Variants in DNAH14 observed in about 807,000 individuals in gnomAD.
DNAH14 encodes the protein axonemal beta dynein heavy chain 14.
In DNAH14, 478 loss-of-function variants were observed where a neutral mutation model predicts 520.9. The observed-to-expected ratio is 0.92, with a 90% CI of 0.85 to 0.99. The LOEUF (loss-of-function observed/expected upper bound fraction) is 0.99, where lower values mean the gene tolerates loss of function less well. Ranked by LOEUF, DNAH14 falls within the 50% of genes least tolerant of loss-of-function variation. The probability of loss-of-function intolerance (pLI) is 0.00; values close to 1 mark genes in which losing one functional copy is unlikely to be tolerated. For synonymous variants in DNAH14, 1,581 were observed against 1,757.2 expected, an observed-to-expected ratio of 0.90 and a Z score of 2.51; for missense variants, 4,831 against 5,234.5, an observed-to-expected ratio of 0.92 and a Z score of 2.38.
chr1:225,012,632 C>T (rs1281121041), intron 10 of DNAH14, among the ~76,000 whole-genome samples: 2 of 152,146 alleles, frequency 1.3e-5, no homozygotes, highest in Non-Finnish European at 2.9e-5. Flanking sequence ...CACATAGTCT[C>T]ATATTTCTTT....
intron 41 of DNAH14, among the ~76,000 whole-genome samples, chr1:225,218,988 G>A (rs2089748180): frequency 6.6e-6 from 1 of 152,116 alleles, no homozygotes; most frequent in Non-Finnish European, 1.5e-5. Context: ...TTAGAACTCA[G>A]GATTAACGAA....
At chr1:225,293,594 T>C (rs980486929) in intron 55 of DNAH14, among the ~76,000 whole-genome samples, 2 of 152,132 alleles carry the variant, frequency 1.3e-5, no homozygotes, top group Admixed American at 1.3e-4. Flanking sequence ...ATGTTTTCAC[T>C]TATAAGTGGG....
At chr1:225,118,511 A>G (rs2148865158) in intron 25 of DNAH14, among the ~76,000 whole-genome samples, 1 of 152,228 alleles carries the variant, frequency 6.6e-6, no homozygotes, top group Non-Finnish European at 1.5e-5. Context: ...TCCTGATGTA[A>G]GTTGATTTTT....
intron 53 of DNAH14, among the ~76,000 whole-genome samples, chr1:225,276,574 C>T (rs943039086): frequency 7.2e-5 from 11 of 152,108 alleles, no homozygotes; most frequent in Non-Finnish European, 1.5e-4. Context: ...TCTCCTACCA[C>T]TTATCCTACT....
rs370395368 is a variant in DNAH14, at chr1:225,273,918, CTT to C, written c.8010+796_8010+797del. On this transcript the variant is annotated intron_variant, in intron 52 of 85. Coordinates refer to ENST00000682510, the MANE Select transcript of DNAH14 (RefSeq NM_001367479.1). ...AACATTTCCTTCCCAAAGGTGGACT[CTT>C]TTCTTTTTCTGTCTTCTCTGGTGGT... Among the ~76,000 whole-genome samples the C allele has an allele frequency of 5.7e-3, 864 of 152,236 alleles. 10 individuals are homozygous for C. Among genetic ancestry groups the C allele is most frequent in the African/African-American group, 0.02 (831 of 41,546 alleles).
rs1237456981 is a variant in DNAH14 at position 224,955,086 on chromosome 1, G to T, written c.205G>T (p.Glu69Ter). ...AACATTCTCTGAATCTTTGAAGTCA[G>T]AGAAAACAGAAGGTATTTATCAAGA... ...VRTFSESLKS[E>*]KTEDYLRESI... Residue 69 changes from glutamate (E) to a stop codon, truncating the protein, a stop_gained, in exon 3 of 86, where the codon GAG becomes TAG. Transcript: ENST00000682510. LOFTEE classifies it high-confidence loss of function. The T allele has an allele frequency of 6.2e-7, 1 of 1,609,390 alleles. No homozygotes were observed. The highest frequency in any genetic ancestry group is 1.7e-5 in the Admixed American group (1 of 59,442).
chr1:225,347,780 A>G (rs2095308862), intron 71 of DNAH14, among the ~76,000 whole-genome samples: 1 of 152,164 alleles, frequency 6.6e-6, no homozygotes. Flanking sequence ...TCAAATGCCA[A>G]TCCTGGAAAA....
intron 58 of DNAH14, 132 bp from the exon 59 acceptor site, chr1:225,307,325 TAGTG>T (rs1352771475): frequency 4.8e-5 from 30 of 631,096 alleles, no homozygotes; most frequent in Non-Finnish European, 7.5e-5. Context: ...GACTTTCAAA[TAGTG>T]AGCCAGTCTT....
chr1:225,179,837 A>AGTT (rs1412543622), intron 36 of DNAH14, among the ~76,000 whole-genome samples: 1 of 151,918 alleles, frequency 6.6e-6, no homozygotes, highest in African/African-American at 2.4e-5. Context: ...TGTCTGAGAA[A>AGTT]GTTTTTAACT....
intron 84 of DNAH14, among the ~76,000 whole-genome samples, chr1:225,393,044 C>T (rs2095942064): frequency 6.6e-6 from 1 of 152,166 alleles, no homozygotes; most frequent in Non-Finnish European, 1.5e-5. Flanking sequence ...CCAATTTGTT[C>T]TGGGAATCTA....
At chr1:225,372,393 G>T (rs759788354) in intron 77 of DNAH14, among the ~76,000 whole-genome samples, 1 of 152,110 alleles carries the variant, frequency 6.6e-6, no homozygotes, top group Non-Finnish European at 1.5e-5. Context: ...CAATAAATCG[G>T]TGGGACATAG....
chr1:224,935,387 GAA>G (rs1558440773), intron 1 of DNAH14, among the ~76,000 whole-genome samples: 1 of 151,804 alleles, frequency 6.6e-6, no homozygotes, highest in Non-Finnish European at 1.5e-5. Context: ...TAAAGGGATA[GAA>G]AAAGATATTC....
intron 54 of DNAH14, among the ~76,000 whole-genome samples, chr1:225,283,107 A>C (rs1269364441): frequency 6.6e-6 from 1 of 151,996 alleles, no homozygotes; most frequent in African/African-American, 2.4e-5. Flanking sequence ...GCTCTGGAAA[A>C]TATTTATTTA....
At chr1:225,317,539 C>CA (rs2094488506) in intron 60 of DNAH14, among the ~76,000 whole-genome samples, 1 of 151,832 alleles carries the variant, frequency 6.6e-6, no homozygotes, top group Non-Finnish European at 1.5e-5. Flanking sequence ...TGAAACACTC[C>CA]AAAACATCTT....
intron 51 of DNAH14, among the ~76,000 whole-genome samples, chr1:225,272,656 C>T (rs2093345345): frequency 6.6e-6 from 1 of 152,170 alleles, no homozygotes; most frequent in East Asian, 1.9e-4. Context: ...CGTGCAACAC[C>T]CTGCCTCCAT....
chr1:224,995,068 A>G (rs1572330143), intron 8 of DNAH14, among the ~76,000 whole-genome samples: 1 of 152,134 alleles, frequency 6.6e-6, no homozygotes, highest in South Asian at 2.1e-4. Flanking sequence ...TCCTTGTACT[A>G]GGAATTGCTT....
In DNAH14 at chr1:225,389,821, C is replaced by A. The variant is rs1370110600; in HGVS notation, c.13278C>A (p.Phe4426Leu). Residue 4426 changes from phenylalanine to leucine, a missense_variant, in exon 83 of 86, where the codon TTC (phenylalanine) becomes TTA (leucine). Transcript: ENST00000682510. ...ACCCTGAGGATTCAGAGAACAATTT[C>A]TTTGAAGGGTTTCCTTCAAGATACT... ...CKHPEDSENNFFEGFPSRYWL... is the reference protein window; with the variant it reads ...CKHPEDSENNLFEGFPSRYWL... 3 of 1,551,776 alleles carry A rather than the reference C, an allele frequency of 1.9e-6. No homozygotes were observed. In the Admixed American group the frequency reaches 5.9e-5, roughly 30 times the overall value.
intron 47 of DNAH14, among the ~76,000 whole-genome samples, chr1:225,264,482 G>A (rs1302533660): frequency 6.6e-6 from 1 of 152,076 alleles, no homozygotes; most frequent in Non-Finnish European, 1.5e-5. Context: ...GATATAATAG[G>A]TATATTACCT....
intron 11 of DNAH14, among the ~76,000 whole-genome samples, chr1:225,028,981 T>C (rs2066337336): frequency 6.6e-6 from 1 of 152,082 alleles, no homozygotes; most frequent in Admixed American, 6.6e-5. Flanking sequence ...CATTTTTCTA[T>C]GGAGAAAAAC....
Sources: gnomAD v4.1 joint callset for allele counts (sites outside exome capture counted in the v4.1 genomes callset) on GRCh38, gnomAD v4.1.1 for gene constraint, MANE v1.5 for transcripts, NCBI Gene and HGNC (gene_info 2026-07-23, HGNC 2026-07-21) for gene names.